The following PLEKHB2 variants were observed in gnomAD, a reference collection of about 807,000 sequenced individuals.
PLEKHB2 encodes pleckstrin homology domain-containing family B member 2.
In PLEKHB2, 31 loss-of-function variants were observed where a neutral mutation model predicts 36.5. The observed-to-expected ratio is 0.85, with a 90% CI of 0.64 to 1.15. The LOEUF is 1.15. PLEKHB2 is among the 50% of genes most tolerant of loss of function. The pLI is 0.00. For synonymous variants in PLEKHB2, 119 were observed against 112.0 expected, an observed-to-expected ratio of 1.06 and a Z score of -0.39; for missense variants, 262 against 295.3, an observed-to-expected ratio of 0.89 and a Z score of 0.83.
chr2:131,141,243 C>T (rs893090013), intron 7 of PLEKHB2, among the ~76,000 whole-genome samples: 1 of 152,110 alleles, frequency 6.6e-6, no homozygotes, highest in African/African-American at 2.4e-5. Flanking sequence ...ATCTCATACT[C>T]CTGTGTTCTG....
At chr2:131,122,596 G>T (rs925340746) in intron 2 of PLEKHB2, among the ~76,000 whole-genome samples, 38 of 152,202 alleles carry the variant, frequency 2.5e-4, no homozygotes, top group Admixed American at 2.5e-3. Context: ...TTGAGATTCA[G>T]TGAGGTTAGG....
At chr2:131,112,354 T>A (rs1695421426) in intron 1 of PLEKHB2, among the ~76,000 whole-genome samples, 1 of 152,202 alleles carries the variant, frequency 6.6e-6, no homozygotes, top group African/African-American at 2.4e-5. Context: ...TCTGTGTCCT[T>A]TGTAATACCC....
chr2:131,140,285 G>A lies in PLEKHB2; in HGVS notation c.532+10G>A, dbSNP rs757274330. ...CAGTACCCATATGCAGGTAACTCAC[G>A]CCGGCCTTTCATTCCTCATTTCTCT... On this transcript the variant is annotated intron_variant, in intron 7 of 7. Transcript: ENST00000693505. The A allele has an allele frequency of 1.2e-5, 17 of 1,454,102 alleles. No homozygotes were observed. Among genetic ancestry groups the A allele is most frequent in the Admixed American group, 1.7e-5 (1 of 57,802 alleles). 90.1% of individuals were successfully genotyped at this position (1,454,102 alleles called of 1,614,324 possible). A position where few individuals can be genotyped will look rare whatever the true frequency, so the allele number is the denominator to read the frequency against.
In PLEKHB2 at chr2:131,146,666, G is replaced by A; in HGVS notation, c.562G>A (p.Val188Ile). 3 of 1,613,674 alleles carry A rather than the reference G, an allele frequency of 1.9e-6. No individual in the cohort carries two copies. Among genetic ancestry groups the A allele is most frequent in the South Asian group, 2.2e-5 (2 of 90,936 alleles). The change falls in exon 8 of 8, where the codon GTC becomes ATC. Residue 188 changes from valine (V) to isoleucine (I), a missense_variant. Physicochemically the swap from Val to Ile is conservative, Grantham distance 29 (BLOSUM62 3). Coordinates refer to ENST00000693505, the MANE Select transcript of PLEKHB2 (RefSeq NM_001100623.2). The part of the protein sequence containing the change: ...GLYGQQPANQ[V>I]IIRERYRDND... The stretch of plus-strand genomic sequence containing the variant: ...TTATGGACAGCAGCCTGCTAACCAA[G>A]TCATCATTCGAGAGCGCTATCGAGA...
intron 5 of PLEKHB2, among the ~76,000 whole-genome samples, chr2:131,131,019 G>A (rs1314921495): frequency 6.6e-6 from 1 of 152,062 alleles, no homozygotes; most frequent in African/African-American, 2.4e-5. Context: ...CAACTTCTGG[G>A]CTCAAGTGAT....
chr2:131,144,509 T>C, intron 7 of PLEKHB2: 1 of 672,166 alleles, frequency 1.5e-6, no homozygotes, highest in Non-Finnish European at 2.1e-6. Context: ...CTCCCATCTT[T>C]TATAGTTTTC....
chr2:131,129,027 A>G (rs1201875727), intron 4 of PLEKHB2, among the ~76,000 whole-genome samples: 4 of 152,368 alleles, frequency 2.6e-5, no homozygotes, highest in Admixed American at 2.6e-4. Flanking sequence ...CATTCCTTAG[A>G]AAGCTAGAAC....
intron 1 of PLEKHB2, among the ~76,000 whole-genome samples, chr2:131,111,481 C>A (rs1227484110): frequency 2.2e-5 from 3 of 136,494 alleles, no homozygotes; most frequent in African/African-American, 8.2e-5. Context: ...CTGAATATTT[C>A]TTTTTATTCT....
At chr2:131,126,909 G>A (rs1697159090) in intron 4 of PLEKHB2, 123 bp downstream of exon 4, 3 of 625,702 alleles carry the variant, frequency 4.8e-6, no homozygotes, top group Non-Finnish European at 8.5e-6. Context: ...GGGACTCAGT[G>A]GATGTATGAG....
intron 5 of PLEKHB2, among the ~76,000 whole-genome samples, chr2:131,132,561 A>C (rs890268063): frequency 2.0e-5 from 3 of 151,988 alleles, no homozygotes; most frequent in Non-Finnish European, 2.9e-5. Context: ...AGCCTCCCCA[A>C]AGTGTTGGGA....
chr2:131,140,027 C>T (rs1419704157), intron 6 of PLEKHB2, 140 bp from the exon 7 acceptor site: 7 of 579,608 alleles, frequency 1.2e-5, no homozygotes, highest in Non-Finnish European at 1.8e-5. Context: ...AAACGGGGGG[C>T]CTAACCACAC....
rs540742763 is a variant in PLEKHB2 at position 131,136,210 on chromosome 2, CCTCCTCTCCT to C, written c.423+3228_423+3237del. Among the ~76,000 whole-genome samples the C allele has an allele frequency of 3.7e-3, 506 of 138,158 alleles. 3 individuals are homozygous for C. The highest frequency in any genetic ancestry group is 6.1e-3 in the Non-Finnish European group (397 of 64,554). The allele number at this position is 138,158 out of a possible 152,430, so 90.6% of individuals were successfully genotyped here. A position where few individuals can be genotyped will look rare whatever the true frequency, so the allele number is the denominator to read the frequency against. ...CTCCTTTCCCCCGCCCGTCCCCTCTCCTCCTCTCCTCTCCTCTCTCCCCTGACCCCCTGAG... is the reference window on the plus strand; with the variant it reads ...CTCCTTTCCCCCGCCCGTCCCCTCTCCTCCTCTCTCCCCTGACCCCCTGAG... On this transcript the variant is annotated intron_variant, in intron 6 of 7. Coordinates refer to ENST00000693505, the MANE Select transcript of PLEKHB2 (RefSeq NM_001100623.2).
In PLEKHB2 at chr2:131,146,587, A is replaced by G. The variant is rs369158671; in HGVS notation, c.533-50A>G. The G allele has an allele frequency of 5.1e-6, 8 of 1,563,514 alleles. No homozygotes were observed. In the African/African-American group the frequency reaches 6.8e-5, roughly 13 times the overall value. ...GAGAACTGGTACTTTGCGTGATGTT[A>G]AACTTCACAAACCGCTGCTCAGAAA... is the stretch of plus-strand genomic sequence containing the variant. On this transcript the variant is annotated intron_variant, in intron 7 of 7. Coordinates refer to ENST00000693505, the MANE Select transcript of PLEKHB2 (RefSeq NM_001100623.2).
At chr2:131,128,401 C>G (rs558225866) in intron 4 of PLEKHB2, among the ~76,000 whole-genome samples, 1 of 152,174 alleles carries the variant, frequency 6.6e-6, no homozygotes, top group African/African-American at 2.4e-5. Context: ...AAAATAAAAC[C>G]CAAGAAACAG....
intron 7 of PLEKHB2, among the ~76,000 whole-genome samples, chr2:131,140,912 G>A (rs1047862923): frequency 6.6e-6 from 1 of 152,210 alleles, no homozygotes; most frequent in Admixed American, 6.5e-5. Context: ...CTGGGCAGGC[G>A]CAGTGGGCAC....
At chr2:131,105,936 T>G (rs1353558411) in intron 1 of PLEKHB2, among the ~76,000 whole-genome samples, 1 of 152,096 alleles carries the variant, frequency 6.6e-6, no homozygotes, top group Non-Finnish European at 1.5e-5. Context: ...TGCCCAGAGG[T>G]CTCCCCTCCT....
Position 131,133,040 on chromosome 2 carries a change from T to G in PLEKHB2, c.423+49T>G, listed in dbSNP as rs769689638. ...GGTGAGGGAAGTTTGGGGTCTCTGC[T>G]GCTGTCCTGCTTTGTTTTGTTTTTT... On this transcript the variant is annotated intron_variant, in intron 6 of 7. Coordinates refer to ENST00000693505, the MANE Select transcript of PLEKHB2 (RefSeq NM_001100623.2). The G allele has an allele frequency of 4.3e-6, 5 of 1,174,868 alleles. No individual in the cohort carries two copies. In the South Asian group the frequency reaches 6.1e-5, roughly 14 times the overall value. 72.8% of individuals were successfully genotyped at this position (1,174,868 alleles called of 1,614,324 possible).
At chr2:131,126,010 G>C in intron 3 of PLEKHB2, 105 bp downstream of exon 3, 1 of 1,146,484 alleles carries the variant, frequency 8.7e-7, no homozygotes, top group Non-Finnish European at 1.2e-6. Flanking sequence ...ACAGATTGAA[G>C]AAGGGCTCCA....
At chr2:131,112,547 A>G (rs991168812) in intron 1 of PLEKHB2, among the ~76,000 whole-genome samples, 1 of 152,228 alleles carries the variant, frequency 6.6e-6, no homozygotes, top group African/African-American at 2.4e-5. Context: ...CCTGGGAAGC[A>G]TAGATTCAAG....
Sources: gnomAD v4.1 joint callset for allele counts (sites outside exome capture counted in the v4.1 genomes callset) on GRCh38, gnomAD v4.1.1 for gene constraint, MANE v1.5 for transcripts, NCBI Gene and HGNC (gene_info 2026-07-23, HGNC 2026-07-21) for gene names.